Variants in UNC79 observed in about 807,000 individuals in gnomAD.
UNC79 encodes the protein unc-79 subunit of NALCN channel complex.
In UNC79, 37 loss-of-function variants were observed where a neutral mutation model predicts 283.1. The ratio of observed to expected loss-of-function variants is 0.13; its 90% CI spans 0.10 to 0.17. The LOEUF (loss-of-function observed/expected upper bound fraction) is 0.17. UNC79 is among the 10% of genes least tolerant of loss of function. UNC79 has a pLI of 1.00. For missense variants in UNC79, 2,272 were observed against 3,211.1 expected (o/e 0.71, Z 7.07); for synonymous variants, 1,107 against 1,200.2 (o/e 0.92, Z 1.61).
chr14:93,690,249 C>A lies in UNC79; in HGVS notation c.7218C>A (p.Ser2406=), dbSNP rs1348942835. The change falls in exon 45 of 49, where the codon TCC becomes TCA. Residue 2406 remains serine, a synonymous_variant. Coordinates refer to ENST00000555664, the Ensembl canonical transcript of UNC79. The surrounding 1 kb of genome is among the most constrained non-coding windows in gnomAD (Gnocchi z 4.3). ...TGCCCATTCCTCTGGATGCAGGCTC[C>A]CACGTTGCAGACCATCTTATTGTTA... 1 of 1,614,140 alleles carries A rather than the reference C, an allele frequency of 6.2e-7. No individual in the cohort carries two copies. Among genetic ancestry groups the A allele is most frequent in the Non-Finnish European group, 8.5e-7 (1 of 1,180,032 alleles).
rs78604349 is a variant in UNC79 at position 93,686,676 on chromosome 14, A to T, written c.6909+15A>T. The T allele has an allele frequency of 6.2e-6, 10 of 1,613,758 alleles. No individual in the cohort carries two copies. The highest frequency in any genetic ancestry group is 1.3e-5 in the African/African-American group (1 of 74,920). On this transcript the variant is annotated intron_variant, in intron 43 of 48. Transcript: ENST00000555664. ...CCAAACTGAAGGTGAGATGACCGCCACCTGCTCATCCCTCAGGTTCACAAA... is the reference window on the plus strand; with the variant it reads ...CCAAACTGAAGGTGAGATGACCGCCTCCTGCTCATCCCTCAGGTTCACAAA...
At chr14:93,663,217 T>C (rs528803206) in intron 40 of UNC79, among the ~76,000 whole-genome samples, 1 of 152,308 alleles carries the variant, frequency 6.6e-6, no homozygotes, top group East Asian at 1.9e-4. Context: ...TCATCTTTTG[T>C]CATCTTGCCT....
upstream of UNC79, among the ~76,000 whole-genome samples, chr14:93,430,055 CG>C (rs1167718023): frequency 6.6e-6 from 1 of 152,210 alleles, no homozygotes; most frequent in African/African-American, 2.4e-5. This position sits in a 1 kb window ranked among gnomAD's most constrained non-coding sequence, Gnocchi z 4.6. Context: ...ACGATGCCCT[CG>C]TCTATTGCCT....
chr14:93,683,568 T>A (rs2074010508), intron 42 of UNC79, among the ~76,000 whole-genome samples: 1 of 152,114 alleles, frequency 6.6e-6, no homozygotes, highest in Admixed American at 6.5e-5. Context: ...CCTTTATCGT[T>A]TAATTCTTTA....
chr14:93,577,223 C>CA (rs899346822), intron 17 of UNC79, among the ~76,000 whole-genome samples: 37 of 144,262 alleles, frequency 2.6e-4, no homozygotes, highest in African/African-American at 7.4e-4. Context: ...CAAAATAATC[C>CA]AAAAAAAACC....
chr14:93,655,661 A>C (rs76441254), intron 38 of UNC79, among the ~76,000 whole-genome samples: 2 of 150,756 alleles, frequency 1.3e-5, no homozygotes, highest in Non-Finnish European at 3.0e-5. Context: ...AAAAAAAAAA[A>C]CAAAAAAACA....
At chr14:93,560,933 G>T (rs753892928) in intron 14 of UNC79, among the ~76,000 whole-genome samples, 1 of 152,100 alleles carries the variant, frequency 6.6e-6, no homozygotes, top group Admixed American at 6.5e-5. Flanking sequence ...ATGAGAAAAC[G>T]TTGAGTGCCC....
intron 38 of UNC79, among the ~76,000 whole-genome samples, chr14:93,656,006 C>T (rs1158485157): frequency 6.6e-6 from 1 of 152,200 alleles, no homozygotes; most frequent in Admixed American, 6.5e-5. Flanking sequence ...AAGATCATCC[C>T]TTCCAATGCC....
chr14:93,646,523 A>G (rs997005984), intron 34 of UNC79, 85 bp from the exon 38 acceptor site: 2 of 1,379,982 alleles, frequency 1.4e-6, no homozygotes, highest in African/African-American at 2.9e-5. Flanking sequence ...TAAACTGGAA[A>G]CACAACAGGT....
chr14:93,690,050 C>T lies in UNC79; in HGVS notation c.7086-67C>T. 6.5e-7 allele frequency: 1 copy of T among 1,531,458 alleles called. No individual in the cohort carries two copies. The highest frequency in any genetic ancestry group is 1.4e-5 in the African/African-American group (1 of 73,360). The allele number at this position is 1,531,458 out of a possible 1,614,324, so 94.9% of individuals were successfully genotyped here. A position where few individuals can be genotyped will look rare whatever the true frequency, so the allele number is the denominator to read the frequency against. On this transcript the variant is annotated intron_variant, in intron 44 of 48. Transcript: ENST00000555664. The surrounding 1 kb of genome is among the most constrained non-coding windows in gnomAD (Gnocchi z 4.3). ...ACTTTCAATCCCTTCCTTCAATAAG[C>T]ATTTGTTATGCACCCAATGAAACAC...
At chr14:93,417,313 T>A (rs1393380077) in intron 1 of UNC79, among the ~76,000 whole-genome samples, 1 of 152,186 alleles carries the variant, frequency 6.6e-6, no homozygotes, top group Non-Finnish European at 1.5e-5. Context: ...AATTCTGGGT[T>A]GAAAATTCTT....
intron 11 of UNC79, among the ~76,000 whole-genome samples, chr14:93,535,034 A>G (rs1014742648): frequency 2.0e-5 from 3 of 152,214 alleles, no homozygotes; most frequent in African/African-American, 7.2e-5. Flanking sequence ...AAGCAATGAT[A>G]GCATCGTGAT....
chr14:93,444,368 C>T (rs1249587226), intron 1 of UNC79, among the ~76,000 whole-genome samples: 1 of 152,058 alleles, frequency 6.6e-6, no homozygotes, highest in Non-Finnish European at 1.5e-5. Flanking sequence ...CATTTTGCTT[C>T]CAATCTGTGG....
chr14:93,691,000 C>T lies in UNC79; in HGVS notation c.7272+697C>T, dbSNP rs930843656. ...TCGGGTTTGGGACAGGGCAAGCTGACGATGTGATAAAATGGCGCACCCATC... is the reference window on the plus strand; with the variant it reads ...TCGGGTTTGGGACAGGGCAAGCTGATGATGTGATAAAATGGCGCACCCATC... On this transcript the variant is annotated intron_variant, in intron 45 of 48. Coordinates refer to ENST00000555664, the Ensembl canonical transcript of UNC79. This position sits in a 1 kb window ranked among gnomAD's most constrained non-coding sequence, Gnocchi z 4.3. The T allele has an allele frequency of 1.3e-5, 2 of 153,122 alleles. No individual in the cohort carries two copies. Among genetic ancestry groups the T allele is most frequent in the African/African-American group, 2.4e-5 (1 of 41,432 alleles). The allele number at this position is 153,122 out of a possible 1,614,324, so 9.5% of individuals were successfully genotyped here. A position where few individuals can be genotyped will look rare whatever the true frequency, so the allele number is the denominator to read the frequency against.
chr14:93,468,111 A>G (rs777779020), intron 2 of UNC79, among the ~76,000 whole-genome samples: 5 of 152,200 alleles, frequency 3.3e-5, no homozygotes, highest in African/African-American at 4.8e-5. Flanking sequence ...GCTTAAAATT[A>G]ATAATTGGAA....
intron 14 of UNC79, among the ~76,000 whole-genome samples, chr14:93,553,741 TA>T (rs912478103): frequency 6.6e-6 from 1 of 152,158 alleles, no homozygotes; most frequent in African/African-American, 2.4e-5. Flanking sequence ...GACTATAATC[TA>T]AAAAAAGCTA....
exon 12 of UNC79, chr14:93,538,062 G>A: frequency 6.2e-7 from 1 of 1,614,196 alleles, no homozygotes; most frequent in South Asian, 1.1e-5. Context: ...CACGGAAACA[G>A]GCCTGTTCGG....
intron 14 of UNC79, among the ~76,000 whole-genome samples, chr14:93,564,739 A>T (rs1286563403): frequency 1.3e-5 from 2 of 150,626 alleles, no homozygotes; most frequent in African/African-American, 4.8e-5. Flanking sequence ...AATTACAGTC[A>T]AAGGAGGTTG....
rs755964933 is a variant in UNC79 at position 93,538,125 on chromosome 14, C to T, written c.1259C>T (p.Ala420Val). ...CACAGTAATGAAGTGGGGGCCGCTG[C>T]GGAGACTCACCTCTATCAGACCTCT... is the stretch of plus-strand genomic sequence containing the variant. Residue 420 changes from alanine (A) to valine (V), a missense_variant, in exon 12 of 49, where the codon GCG (alanine) becomes GTG (valine). Around this residue, in one of 11 missense-constraint regions of UNC79, gnomAD observed 142 missense variants for 230.7 expected, o/e 0.62. Coordinates refer to ENST00000555664, the Ensembl canonical transcript of UNC79. 9.3e-6 allele frequency: 15 copies of T among 1,613,970 alleles called. No individual in the cohort carries two copies. In the South Asian group the frequency reaches 1.3e-4, roughly 14 times the overall value.
Sources: gnomAD v4.1 joint callset for allele counts (sites outside exome capture counted in the v4.1 genomes callset) on GRCh38, gnomAD v4.1.1 for gene constraint, gnomAD v4.1.1 regional missense constraint, Gnocchi (gnomAD v3.1) non-coding constraint, MANE v1.5 for transcripts, NCBI Gene and HGNC (gene_info 2026-07-23, HGNC 2026-07-21) for gene names.